Variants in LRBA observed in about 807,000 individuals in gnomAD.
The protein encoded by LRBA is lipopolysaccharide-responsive and beige-like anchor protein.
Under a neutral mutation model 330.0 loss-of-function variants are expected in LRBA, and 176 were observed. The observed-to-expected ratio is 0.53, with a 90% CI of 0.47 to 0.60. The LOEUF is 0.60. LRBA is among the 20% of genes least tolerant of loss of function. The probability of loss-of-function intolerance (pLI) is 0.00; values close to 1 mark genes in which losing one functional copy is unlikely to be tolerated. For synonymous variants in LRBA, 1,230 were observed against 1,193.0 expected (o/e 1.03, Z -0.64); for missense variants, 3,259 against 3,444.8 (o/e 0.95, Z 1.35).
chr4:150,917,882 T>C (rs1352716475), intron 5 of LRBA, among the ~76,000 whole-genome samples: 5 of 151,792 alleles, frequency 3.3e-5, no homozygotes, highest in African/African-American at 1.2e-4. Context: ...TGAGCCGAGA[T>C]CATGCCATTG....
chr4:150,769,320 A>G (rs1204377140), intron 34 of LRBA, among the ~76,000 whole-genome samples: 2 of 152,068 alleles, frequency 1.3e-5, no homozygotes, highest in Non-Finnish European at 2.9e-5. Context: ...AGAGAGAGAG[A>G]CAGAGAGAGA....
intron 2 of LRBA, among the ~76,000 whole-genome samples, chr4:151,010,641 G>A (rs562834908): frequency 4.4e-4 from 67 of 151,926 alleles, no homozygotes; most frequent in African/African-American, 1.6e-3. Context: ...AGCACTTTGG[G>A]AAGGCCAAGG....
intron 34 of LRBA, among the ~76,000 whole-genome samples, chr4:150,767,613 C>A (rs1735937959): frequency 6.7e-6 from 1 of 149,154 alleles, no homozygotes; most frequent in Non-Finnish European, 1.5e-5. Context: ...CAAAAATTAG[C>A]CGGGCATGGT....
intron 40 of LRBA, among the ~76,000 whole-genome samples, chr4:150,508,473 G>A (rs1761432047): frequency 6.6e-6 from 1 of 151,988 alleles, no homozygotes; most frequent in Admixed American, 6.6e-5. Context: ...ATTTTTAGTA[G>A]AGGCGGGGTT....
At chr4:150,639,775 ATATATATGTG>A (rs1212932189) in intron 37 of LRBA, among the ~76,000 whole-genome samples, 186 of 5,072 alleles carry the variant, frequency 0.037, 26 homozygotes, top group African/African-American at 0.12. Flanking sequence ...ATATATATAT[ATATATATGTG>A]TGTGTGTATA....
At position 150,321,162 on chromosome 4, in the gene LRBA, A is replaced by C; in HGVS notation, c.7630+29T>G. On this transcript the variant is annotated intron_variant, in intron 50 of 56. Transcript: ENST00000651943. The surrounding 1 kb of genome is among the most constrained non-coding windows in gnomAD (Gnocchi z 4.5). ...TATTACACAGTGTTCAGCAGTTACC[A>C]TGCCTTATAATGGTATTTCTTTACT... The C allele has an allele frequency of 1.9e-6, 3 of 1,589,272 alleles. No homozygotes were observed. The highest frequency in any genetic ancestry group is 2.6e-6 in the Non-Finnish European group (3 of 1,165,922).
At chr4:151,003,412 AAC>A (rs1359302849) in intron 2 of LRBA, among the ~76,000 whole-genome samples, 2 of 151,584 alleles carry the variant, frequency 1.3e-5, no homozygotes, top group Non-Finnish European at 2.9e-5. Context: ...AAAAAAAAAA[AAC>A]AAAATCCTAA....
intron 41 of LRBA, among the ~76,000 whole-genome samples, chr4:150,489,309 TAAG>T (rs1390579675): frequency 3.4e-5 from 2 of 58,672 alleles, no homozygotes; most frequent in Non-Finnish European, 5.6e-5. Flanking sequence ...ATATTATATA[TAAG>T]AATATATAAA....
At chr4:150,586,291 C>T (rs898672146) in intron 40 of LRBA, among the ~76,000 whole-genome samples, 1 of 152,116 alleles carries the variant, frequency 6.6e-6, no homozygotes, top group Non-Finnish European at 1.5e-5. Context: ...AGTAGACATA[C>T]ATCTCCCTCC....
At chr4:151,009,932 A>C (rs1744618160) in intron 2 of LRBA, among the ~76,000 whole-genome samples, 1 of 152,112 alleles carries the variant, frequency 6.6e-6, no homozygotes, top group South Asian at 2.1e-4. Flanking sequence ...GTGAGCCGAG[A>C]TCGCGCCACT....
chr4:150,826,584 G>A (rs1746318035), intron 30 of LRBA, among the ~76,000 whole-genome samples: 1 of 152,138 alleles, frequency 6.6e-6, no homozygotes, highest in Admixed American at 6.5e-5. Context: ...TTGATACTTT[G>A]TCCCTAAAGT....
intron 22 of LRBA, among the ~76,000 whole-genome samples, chr4:150,864,644 C>CTTTTTTTTTTTTTTTTTTTT (rs34280757): frequency 8.4e-6 from 1 of 118,454 alleles, no homozygotes. Context: ...GGCCCACGTT[C>CTTTTTTTTTTTTTTTTTTTT]TTTTTTTTTT....
At chr4:150,660,545 G>A (rs1780930100) in intron 37 of LRBA, among the ~76,000 whole-genome samples, 1 of 150,808 alleles carries the variant, frequency 6.6e-6, no homozygotes, top group African/African-American at 2.4e-5. Flanking sequence ...CCTCTGCCCA[G>A]CCACCACCCG....
intron 47 of LRBA, among the ~76,000 whole-genome samples, chr4:150,377,961 ACT>A (rs1409007322): frequency 2.3e-5 from 2 of 87,792 alleles, no homozygotes; most frequent in African/African-American, 3.8e-5. Flanking sequence ...ACAGAGTGAG[ACT>A]CTGTCTCAAA....
At chr4:150,587,173 T>G (rs974701641) in intron 40 of LRBA, among the ~76,000 whole-genome samples, 3 of 152,186 alleles carry the variant, frequency 2.0e-5, no homozygotes, top group African/African-American at 7.2e-5. Context: ...CATCAAGAGC[T>G]ACTACTTTGA....
At chr4:150,865,067 C>A (rs116285825) in intron 22 of LRBA, among the ~76,000 whole-genome samples, 1 of 152,176 alleles carries the variant, frequency 6.6e-6, no homozygotes. Flanking sequence ...CGTGAAAAAT[C>A]TGCTTTATAC....
chr4:150,537,570 T>C (rs1200798269), intron 40 of LRBA, among the ~76,000 whole-genome samples: 3 of 152,152 alleles, frequency 2.0e-5, no homozygotes, highest in African/African-American at 7.2e-5. Context: ...AGAAAATATT[T>C]GCGAACTATG....
intron 55 of LRBA, among the ~76,000 whole-genome samples, chr4:150,279,519 A>G (rs1288981223): frequency 6.6e-6 from 1 of 152,246 alleles, no homozygotes; most frequent in Non-Finnish European, 1.5e-5. Flanking sequence ...ACTGTTCTAC[A>G]TTCAGTTCTA....
intron 40 of LRBA, among the ~76,000 whole-genome samples, chr4:150,504,536 C>T (rs1561274213): frequency 1.3e-5 from 2 of 152,182 alleles, no homozygotes; most frequent in East Asian, 1.9e-4. Flanking sequence ...TACAGACAAG[C>T]AAATGCTGAG....
Sources: allele counts gnomAD v4.1 joint callset (sites outside exome capture counted in the v4.1 genomes callset), GRCh38; gene constraint gnomAD v4.1.1; non-coding constraint Gnocchi (gnomAD v3.1); transcripts MANE v1.5; gene names NCBI Gene and HGNC (gene_info 2026-07-23, HGNC 2026-07-21).